Variants in CLINT1 observed in about 807,000 individuals in gnomAD.
CLINT1 encodes clathrin interacting protein localized in the trans-Golgi region.
A neutral mutation model predicts 70.4 loss-of-function variants in CLINT1; 15 were observed. That is an observed-to-expected ratio of 0.21 (90% confidence interval 0.14 to 0.33). The LOEUF (loss-of-function observed/expected upper bound fraction) is 0.33. Ranked by LOEUF, CLINT1 falls within the 10% of genes least tolerant of loss-of-function variation. The pLI is 1.00. For missense variants in CLINT1, 615 were observed against 778.1 expected, an observed-to-expected ratio of 0.79 and a Z score of 2.49; for synonymous variants, 227 against 254.7, an observed-to-expected ratio of 0.89 and a Z score of 1.04.
chr5:157,838,375 G>A (rs570197275), intron 1 of CLINT1, among the ~76,000 whole-genome samples: 3 of 152,208 alleles, frequency 2.0e-5, no homozygotes, highest in East Asian at 1.9e-4. Context: ...CACCTGCCTC[G>A]GCCTCCCAAA....
chr5:157,788,968 G>GAAA (rs58634730), intron 11 of CLINT1, among the ~76,000 whole-genome samples: 31 of 95,548 alleles, frequency 3.2e-4, no homozygotes, highest in South Asian at 6.8e-4. Context: ...CTCCATCTCA[G>GAAA]AAAAAAAAAA....
intron 3 of CLINT1, among the ~76,000 whole-genome samples, chr5:157,814,762 G>C (rs970944811): frequency 2.6e-5 from 4 of 152,082 alleles, no homozygotes; most frequent in Non-Finnish European, 5.9e-5. Flanking sequence ...CAGGCTCAGC[G>C]GCTCATGCCT....
rs754089278 is a variant in CLINT1 at position 157,791,989 on chromosome 5, G to A, written c.1094C>T (p.Ala365Val). 10 of 1,612,492 alleles carry A rather than the reference G, an allele frequency of 6.2e-6. No individual in the cohort carries two copies. The African/African-American group carries it at 9.4e-5, about 15-fold the overall frequency. ...ASGSFPSQVT[A>V]TSGNGDFGDW... is the part of the protein sequence containing the mutation. Reference sequence around the variant, plus strand: ...ACCAAAGTCTCCATTCCCACTTGTTGCTGTTACTAAGACAGAAATAACTCT... The same window carrying A: ...ACCAAAGTCTCCATTCCCACTTGTTACTGTTACTAAGACAGAAATAACTCT... The change falls in exon 10 of 12, where the codon GCA becomes GTA. Residue 365 changes from alanine (A) to valine (V), a missense_variant. Physicochemically the swap from Ala to Val is moderately conservative, Grantham distance 64. Around this residue, in one of 2 missense-constraint regions of CLINT1, gnomAD observed 374 missense variants for 409.6 expected, o/e 0.91. Transcript: ENST00000411809.
Position 157,791,790 on chromosome 5 carries a change from C to G in CLINT1, c.1293G>C (p.Gln431His). Residue 431 changes from glutamine to histidine, a missense_variant, in exon 10 of 12, where the codon CAG becomes CAC. By Grantham distance (24) the Gln-to-His change is conservative. Coordinates refer to ENST00000411809, the MANE Select transcript of CLINT1 (RefSeq NM_014666.4). ...TACTCTGGGAAGATGTCATGGTTGC[C>G]TGGGACGAGCCCATAAGATCAAACA... ...SDLFDLMGSS[Q>H]ATMTSSQSMN... is the part of the protein sequence containing the mutation. 6.2e-7 allele frequency: 1 copy of G among 1,613,980 alleles called. No individual in the cohort carries two copies. The highest frequency in any genetic ancestry group is 8.5e-7 in the Non-Finnish European group (1 of 1,179,884).
chr5:157,858,821 G>T, intron 1 of CLINT1, 109 bp downstream of exon 1: 2 of 1,211,382 alleles, frequency 1.7e-6, no homozygotes, highest in Admixed American at 2.2e-5. Context: ...GATGGGGCTG[G>T]CAGAGCCAGG....
rs903934823 is a variant in CLINT1, at chr5:157,823,721, A to AT, written c.42-6175dup. ...TTATTAAGTATAAATCTTCTTAATA[A>AT]TTTTTTTAACATAAAACACCCATAA... is the stretch of plus-strand genomic sequence containing the variant. On this transcript the variant is annotated intron_variant, in intron 1 of 11. Transcript: ENST00000411809. The AT allele has an allele frequency of 3.4e-5, 27 of 790,448 alleles. 1 individual carries two copies. The highest frequency in any genetic ancestry group is 7.5e-5 in the African/African-American group (4 of 53,202). 49.0% of individuals were successfully genotyped at this position (790,448 alleles called of 1,614,324 possible).
At position 157,789,336 on chromosome 5, in the gene CLINT1, G is replaced by C. The variant is rs776664552; in HGVS notation, c.1531+27C>G. ...AGGCAAAAGACTGCAAGTACACAAA[G>C]AAGTGGGACGTCTTAAGGTAACTTA... On this transcript the variant is annotated intron_variant, in intron 11 of 11. Transcript: ENST00000411809. 4 of 1,598,276 alleles carry C rather than the reference G, an allele frequency of 2.5e-6. No individual in the cohort carries two copies. In the East Asian group the frequency reaches 6.7e-5, roughly 27 times the overall value.
In CLINT1 at chr5:157,824,369, A is replaced by G. The variant is rs576612127; in HGVS notation, c.42-6822T>C. On this transcript the variant is annotated intron_variant, in intron 1 of 11. Coordinates refer to ENST00000411809, the MANE Select transcript of CLINT1 (RefSeq NM_014666.4). ...TGTACTGTCAACGGCCAAGAAGCCT[A>G]CTATTCCTAAATTCAACAGGTAGAT... Among the ~76,000 whole-genome samples, 5 of 152,310 alleles carry G rather than the reference A, an allele frequency of 3.3e-5. No individual in the cohort carries two copies. The East Asian group carries it at 7.7e-4, about 23-fold the overall frequency.
chr5:157,848,558 C>T (rs1231141996), intron 1 of CLINT1, among the ~76,000 whole-genome samples: 1 of 151,460 alleles, frequency 6.6e-6, no homozygotes, highest in East Asian at 1.9e-4. Flanking sequence ...GGCTGGAGTA[C>T]AGTGGCGCTA....
intron 1 of CLINT1, among the ~76,000 whole-genome samples, chr5:157,857,362 A>G (rs960671954): frequency 4.6e-5 from 7 of 152,194 alleles, no homozygotes; most frequent in African/African-American, 1.7e-4. Context: ...AGTTTATTTC[A>G]TCTTCGGTAA....
chr5:157,845,228 A>C (rs1288057331), intron 1 of CLINT1, among the ~76,000 whole-genome samples: 1 of 152,098 alleles, frequency 6.6e-6, no homozygotes, highest in Non-Finnish European at 1.5e-5. Context: ...ACACGCTTGT[A>C]ATCCCAGCTA....
At chr5:157,846,369 A>G (rs962330987) in intron 1 of CLINT1, among the ~76,000 whole-genome samples, 1 of 148,302 alleles carries the variant, frequency 6.7e-6, no homozygotes, top group Non-Finnish European at 1.5e-5. Context: ...TGAATAGAAT[A>G]TCAAACTAGC....
At chr5:157,803,234 T>C (rs1336504275) in intron 8 of CLINT1, among the ~76,000 whole-genome samples, 2 of 152,228 alleles carry the variant, frequency 1.3e-5, no homozygotes, top group African/African-American at 4.8e-5. Flanking sequence ...ATGGAAACTA[T>C]AGATTCCAAA....
intron 1 of CLINT1, among the ~76,000 whole-genome samples, chr5:157,847,510 CA>C (rs71285035): frequency 2.3e-3 from 305 of 134,844 alleles, no homozygotes; most frequent in African/African-American, 5.1e-3. Context: ...GACTCCGTCT[CA>C]AAAAAAAAAA....
chr5:157,809,784 G>A lies in CLINT1; in HGVS notation c.539C>T (p.Pro180Leu). ...CCACTCCTCATCCCATTTTGATTTG[G>A]GCTCAGGATCATATCTTTCACCTAG... ...FRYSERYDPE[P>L]KSKWDEEWDK... The change falls in exon 6 of 12, where the codon CCC (proline) becomes CTC (leucine). Residue 180 changes from proline to leucine, a missense_variant. Physicochemically the swap from Pro to Leu is moderately conservative, Grantham distance 98. Transcript: ENST00000411809. 1 of 1,611,822 alleles carries A rather than the reference G, an allele frequency of 6.2e-7. No individual in the cohort carries two copies. The highest frequency in any genetic ancestry group is 8.5e-7 in the Non-Finnish European group (1 of 1,179,040).
chr5:157,840,938 A>C (rs1317189504), intron 1 of CLINT1, among the ~76,000 whole-genome samples: 1 of 152,020 alleles, frequency 6.6e-6, no homozygotes, highest in Non-Finnish European at 1.5e-5. Flanking sequence ...TAAGTAACAT[A>C]CACTTGGAAC....
chr5:157,832,269 C>A (rs1363767520), intron 1 of CLINT1, among the ~76,000 whole-genome samples: 4 of 152,202 alleles, frequency 2.6e-5, no homozygotes, highest in African/African-American at 9.6e-5. Flanking sequence ...AGGCTTGAGC[C>A]ACAGCGCCCA....
At chr5:157,790,253 A>G in intron 10 of CLINT1, 1 of 171,050 alleles carries the variant, frequency 5.8e-6, no homozygotes, top group Non-Finnish European at 1.3e-5. Context: ...ACATTATACA[A>G]GGATATAAGG....
At chr5:157,802,165 G>A (rs1005612208) in intron 8 of CLINT1, among the ~76,000 whole-genome samples, 7 of 152,110 alleles carry the variant, frequency 4.6e-5, no homozygotes, top group Non-Finnish European at 8.8e-5. Flanking sequence ...AAAGTGCTGG[G>A]ATTACAGGTG....
Sources: gnomAD v4.1 joint callset for allele counts (sites outside exome capture counted in the v4.1 genomes callset) on GRCh38, gnomAD v4.1.1 for gene constraint, gnomAD v4.1.1 regional missense constraint, MANE v1.5 for transcripts, NCBI Gene and HGNC (gene_info 2026-07-23, HGNC 2026-07-21) for gene names.